Variants in B3GNT6 observed in about 807,000 individuals in gnomAD.
B3GNT6 encodes UDP-GlcNAc:betaGal beta-1,3-N-acetylglucosaminyltransferase 6, also known as acetylgalactosaminyl-O-glycosyl-glycoprotein beta-1,3-N-acetylglucosaminyltransferase.
For synonymous variants in B3GNT6, 300 were observed against 270.0 expected (o/e 1.11, Z -1.09); for missense variants, 624 against 568.6 (o/e 1.10, Z -0.99).
At position 77,040,144 on chromosome 11, in the gene B3GNT6, C is replaced by G. The variant is rs376838217; in HGVS notation, c.593C>G (p.Thr198Arg). The G allele has an allele frequency of 1.0e-5, 16 of 1,599,198 alleles. No homozygotes were observed. The highest frequency in any genetic ancestry group is 2.7e-5 in the African/African-American group (2 of 74,990). The change falls in exon 2 of 2, where the codon ACG (threonine) becomes AGG (arginine). Residue 198 changes from threonine to arginine, a missense_variant. Physicochemically the swap from Thr to Arg is moderately conservative, Grantham distance 71 (BLOSUM62 -1). Coordinates refer to ENST00000622824, the MANE Select transcript of B3GNT6 (RefSeq NM_138706.5). ...TTCGCGGACACCTTCCTCAACCTCA[C>G]GCTCAAGCACCTGCACTTGCTCGAC... ...WAFADTFLNL[T>R]LKHLHLLDWL...
chr11:77,039,859 T>G lies in B3GNT6; in HGVS notation c.308T>G (p.Leu103Arg). The G allele has an allele frequency of 6.3e-7, 1 of 1,588,052 alleles. No homozygotes were observed. The highest frequency in any genetic ancestry group is 1.1e-5 in the South Asian group (1 of 89,314). The change falls in exon 2 of 2, where the codon CTG becomes CGG. Residue 103 changes from leucine to arginine, a missense_variant. Leu to Arg is a moderately radical substitution (Grantham distance 102). Coordinates refer to ENST00000622824, the MANE Select transcript of B3GNT6 (RefSeq NM_138706.5). ...TACCGCCACTGCCGCCACTTCCCGCTGCTTTGGGACGCACCGGCCAAGTGC... is the reference window on the plus strand; with the variant it reads ...TACCGCCACTGCCGCCACTTCCCGCGGCTTTGGGACGCACCGGCCAAGTGC... ...LRYRHCRHFP[L>R]LWDAPAKCAG...
In B3GNT6 at chr11:77,040,878, C is replaced by A; in HGVS notation, c.*172C>A. ...GAAAATGCCTACATCCTGGCTCCAT[C>A]TCCCGAAGTTTCGATTTGATTAGTC... On this transcript the variant is annotated 3_prime_UTR_variant, in exon 2 of 2. Coordinates refer to ENST00000622824, the MANE Select transcript of B3GNT6 (RefSeq NM_138706.5). 8.7e-7 allele frequency: 1 copy of A among 1,142,886 alleles called. No homozygotes were observed. The highest frequency in any genetic ancestry group is 1.2e-6 in the Non-Finnish European group (1 of 855,656). The allele number at this position is 1,142,886 out of a possible 1,614,324, so 70.8% of individuals were successfully genotyped here.
At chr11:77,039,463 T>C (rs1949663984) in intron 1 of B3GNT6, 89 bp from the exon 2 acceptor site, 1 of 1,501,364 alleles carries the variant, frequency 6.7e-7, no homozygotes, top group East Asian at 2.4e-5. Flanking sequence ...TGGAGCTGGG[T>C]TCTGGGAGAG....
At chr11:77,039,465 C>T (rs1358359550) in intron 1 of B3GNT6, 87 bp from the exon 2 acceptor site, 1 of 1,501,498 alleles carries the variant, frequency 6.7e-7, no homozygotes, top group East Asian at 2.4e-5. Context: ...GAGCTGGGTT[C>T]TGGGAGAGAA....
chr11:77,037,629 G>A (rs1949643164), intron 1 of B3GNT6, among the ~76,000 whole-genome samples: 1 of 151,898 alleles, frequency 6.6e-6, no homozygotes, highest in African/African-American at 2.4e-5. Flanking sequence ...TTATTAGAGA[G>A]GTCAGGTGCG....
intron 1 of B3GNT6, among the ~76,000 whole-genome samples, chr11:77,034,910 G>A (rs1447496789): frequency 4.6e-5 from 7 of 152,184 alleles, no homozygotes; most frequent in African/African-American, 1.7e-4. Context: ...TGTAATCCCA[G>A]CACTTTGGGA....
At chr11:77,039,402 T>C (rs1591090466) in intron 1 of B3GNT6, 150 bp from the exon 2 acceptor site, 3 of 1,436,258 alleles carry the variant, frequency 2.1e-6, no homozygotes, top group East Asian at 2.5e-5. Context: ...GTCAGTGTAA[T>C]CTTGGATTTT....
rs782086741 is a variant in B3GNT6, at chr11:77,040,346, C to T, written c.795C>T (p.Phe265=). ...TCCGCGACAGCTGGAGCAAGTACTTCGTGCCGCCGCAGCTCTTCCCCGGGT... is the reference window on the plus strand; with the variant it reads ...TCCGCGACAGCTGGAGCAAGTACTTTGTGCCGCCGCAGCTCTTCCCCGGGT... ...VPIRDSWSKY[F]VPPQLFPGSA... The change falls in exon 2 of 2, where the codon TTC becomes TTT. Residue 265 remains phenylalanine (F), a synonymous_variant. Coordinates refer to ENST00000622824, the MANE Select transcript of B3GNT6 (RefSeq NM_138706.5). The T allele has an allele frequency of 1.0e-5, 16 of 1,546,374 alleles. No homozygotes were observed. The South Asian group carries it at 1.9e-4, about 18-fold the overall frequency.
rs1555027758 is a variant in B3GNT6 at position 77,040,446 on chromosome 11, G to T, written c.895G>T (p.Ala299Ser). The change falls in exon 2 of 2, where the codon GCC (alanine) becomes TCC (serine). Residue 299 changes from alanine (A) to serine (S), a missense_variant. Transcript: ENST00000622824. ...GPTARALRAA[A>S]RHTPLFPIDD... is the part of the protein sequence containing the mutation. ...CACGGCCCGGGCCCTGCGCGCGGCCGCCCGCCACACCCCGCTCTTCCCCAT... is the reference window on the plus strand; with the variant it reads ...CACGGCCCGGGCCCTGCGCGCGGCCTCCCGCCACACCCCGCTCTTCCCCAT... 2.0e-6 allele frequency: 3 copies of T among 1,525,602 alleles called. No individual in the cohort carries two copies. The highest frequency in any genetic ancestry group is 4.0e-5 in the Admixed American group (2 of 50,338). 94.5% of individuals were successfully genotyped at this position (1,525,602 alleles called of 1,614,324 possible).
At position 77,039,887 on chromosome 11, in the gene B3GNT6, C is replaced by T. The variant is rs553141671; in HGVS notation, c.336C>T (p.Ala112=). ...TTTGGGACGCACCGGCCAAGTGCGC[C>T]GGCGGCCGAGGCGTGTTCCTGCTCC... ...PLLWDAPAKC[A]GGRGVFLLLA... is the part of the protein sequence containing the mutation. The change falls in exon 2 of 2, where the codon GCC becomes GCT. Residue 112 remains alanine, a synonymous_variant. Transcript: ENST00000622824. 1.3e-5 allele frequency: 20 copies of T among 1,590,538 alleles called. No homozygotes were observed. In the East Asian group the frequency reaches 3.6e-4, roughly 29 times the overall value.
chr11:77,039,600 C>T lies in B3GNT6; in HGVS notation c.49C>T (p.Leu17Phe). 6.2e-6 allele frequency: 10 copies of T among 1,609,786 alleles called. No homozygotes were observed. Among genetic ancestry groups the T allele is most frequent in the Non-Finnish European group, 8.5e-6 (10 of 1,178,240 alleles). Reference protein sequence around the residue: ...RSLTAKTLACLLVGVSFLALQ... With the variant: ...RSLTAKTLACFLVGVSFLALQ... The stretch of plus-strand genomic sequence containing the variant: ...CCTGACTGCCAAGACTCTGGCCTGC[C>T]TCCTGGTGGGCGTGAGTTTCTTAGC... Residue 17 changes from leucine to phenylalanine, a missense_variant, in exon 2 of 2, where the codon CTC becomes TTC. Coordinates refer to ENST00000622824, the MANE Select transcript of B3GNT6 (RefSeq NM_138706.5).
rs1555027725 is a variant in B3GNT6 at position 77,040,386 on chromosome 11, T to C, written c.835T>C (p.Tyr279His). Residue 279 changes from tyrosine to histidine, a missense_variant, in exon 2 of 2, where the codon TAC becomes CAC. Transcript: ENST00000622824. ...CTTCCCCGGGTCCGCTTACCCGGTG[T>C]ACTGCAGCGGCGGCGGCTTCCTCCT... ...QLFPGSAYPVYCSGGGFLLSG... is the reference protein window; with the variant it reads ...QLFPGSAYPVHCSGGGFLLSG... 2 of 1,534,230 alleles carry C rather than the reference T, an allele frequency of 1.3e-6. No homozygotes were observed. The highest frequency in any genetic ancestry group is 8.7e-7 in the Non-Finnish European group (1 of 1,146,028).
At position 77,041,492 on chromosome 11, in the gene B3GNT6, G is replaced by T. The variant is rs140224507; in HGVS notation, c.*786G>T. ...CGGGTCAGAGACAGGCTCCTTGCCG[G>T]GGTCTGGGCCTCAGGCTCAGTGGGC... is the stretch of plus-strand genomic sequence containing the variant. On this transcript the variant is annotated 3_prime_UTR_variant, in exon 2 of 2. Coordinates refer to ENST00000622824, the MANE Select transcript of B3GNT6 (RefSeq NM_138706.5). 8 of 152,532 alleles carry T rather than the reference G, an allele frequency of 5.2e-5. No homozygotes were observed. Among genetic ancestry groups the T allele is most frequent in the Non-Finnish European group, 1.2e-4 (8 of 68,188 alleles). The allele number at this position is 152,532 out of a possible 1,614,324, so 9.4% of individuals were successfully genotyped here.
intron 1 of B3GNT6, among the ~76,000 whole-genome samples, chr11:77,038,274 A>G (rs192917311): frequency 6.6e-6 from 1 of 150,644 alleles, no homozygotes; most frequent in Non-Finnish European, 1.5e-5. Flanking sequence ...AAGGAGGGAG[A>G]AGGAACGGGG....
chr11:77,038,412 A>T (rs1288338425), intron 1 of B3GNT6, among the ~76,000 whole-genome samples: 3 of 151,602 alleles, frequency 2.0e-5, no homozygotes, highest in Non-Finnish European at 2.9e-5. Flanking sequence ...AAAAAAAAAA[A>T]AAAAATTTAA....
In B3GNT6 at chr11:77,040,462, T is replaced by C. The variant is rs1383198145; in HGVS notation, c.911T>C (p.Leu304Pro). 1.3e-5 allele frequency: 20 copies of C among 1,536,016 alleles called. No homozygotes were observed. Among genetic ancestry groups the C allele is most frequent in the Non-Finnish European group, 1.7e-5 (20 of 1,146,462 alleles). Residue 304 changes from leucine (L) to proline (P), a missense_variant, in exon 2 of 2, where the codon CTC becomes CCC. Coordinates refer to ENST00000622824, the MANE Select transcript of B3GNT6 (RefSeq NM_138706.5). ...CGCGCGGCCGCCCGCCACACCCCGCTCTTCCCCATCGACGACGCCTACATG... is the reference window on the plus strand; with the variant it reads ...CGCGCGGCCGCCCGCCACACCCCGCCCTTCCCCATCGACGACGCCTACATG... ...ALRAAARHTP[L>P]FPIDDAYMGM...
intron 1 of B3GNT6, 83 bp from the exon 2 acceptor site, chr11:77,039,469 G>C: frequency 1.3e-6 from 2 of 1,502,810 alleles, no homozygotes; most frequent in East Asian, 2.4e-5. Flanking sequence ...TGGGTTCTGG[G>C]AGAGAAGTGA....
Position 77,040,419 on chromosome 11 carries a change from C to T in B3GNT6, c.868C>T (p.Pro290Ser), listed in dbSNP as rs782544598. The change falls in exon 2 of 2, where the codon CCC (proline) becomes TCC (serine). Residue 290 changes from proline to serine, a missense_variant. Pro to Ser is a moderately conservative substitution (Grantham distance 74). Transcript: ENST00000622824. ...CSGGGFLLSG[P>S]TARALRAAAR... ...CGGCGGCGGCTTCCTCCTGTCCGGCCCCACGGCCCGGGCCCTGCGCGCGGC... is the reference window on the plus strand; with the variant it reads ...CGGCGGCGGCTTCCTCCTGTCCGGCTCCACGGCCCGGGCCCTGCGCGCGGC... 2 of 1,530,268 alleles carry T rather than the reference C, an allele frequency of 1.3e-6. No homozygotes were observed. Among genetic ancestry groups the T allele is most frequent in the South Asian group, 2.4e-5 (2 of 83,066 alleles). The allele number at this position is 1,530,268 out of a possible 1,614,324, so 94.8% of individuals were successfully genotyped here. A position where few individuals can be genotyped will look rare whatever the true frequency, so the allele number is the denominator to read the frequency against.
chr11:77,036,110 G>T (rs1212972095), intron 1 of B3GNT6, among the ~76,000 whole-genome samples: 2 of 152,218 alleles, frequency 1.3e-5, no homozygotes, highest in Non-Finnish European at 2.9e-5. Flanking sequence ...CAGTTATTCA[G>T]ACTCCAAATT....
Sources: allele counts gnomAD v4.1 joint callset (sites outside exome capture counted in the v4.1 genomes callset), GRCh38; gene constraint gnomAD v4.1.1; transcripts MANE v1.5; gene names NCBI Gene and HGNC (gene_info 2026-07-23, HGNC 2026-07-21).